The following COLQ variants were observed in gnomAD, a reference collection of about 807,000 sequenced individuals.
COLQ encodes collagen like tail subunit of asymmetric acetylcholinesterase.
COLQ carries 48 observed loss-of-function variants against 69.0 expected under a neutral mutation model. That is an observed-to-expected ratio of 0.70 (90% CI 0.55 to 0.88). COLQ has a LOEUF of 0.88. COLQ is among the 40% of genes least tolerant of loss of function. The probability of loss-of-function intolerance (pLI) is 0.00; values close to 1 mark genes in which losing one functional copy is unlikely to be tolerated. For missense variants in COLQ, 618 were observed against 594.6 expected, an observed-to-expected ratio of 1.04 and a Z score of -0.41; for synonymous variants, 217 against 211.2, an observed-to-expected ratio of 1.03 and a Z score of -0.24.
rs2062948027 is a variant in COLQ at position 15,509,033 on chromosome 3, G to C, written c.106+12487C>G. Reference sequence around the variant, plus strand: ...TACATAATAACTATAAGAAGAAGGAGGATCTTAATCAATTCAAATGGATTT... The same window carrying C: ...TACATAATAACTATAAGAAGAAGGACGATCTTAATCAATTCAAATGGATTT... On this transcript the variant is annotated intron_variant, in intron 1 of 16. Coordinates refer to ENST00000383788, the MANE Select transcript of COLQ (RefSeq NM_005677.4). Among the ~76,000 whole-genome samples, 3 of 151,836 alleles carry C rather than the reference G, an allele frequency of 2.0e-5. 1 individual carries two copies. In the South Asian group the frequency reaches 6.2e-4, roughly 32 times the overall value.
At chr3:15,469,740 C>T (rs1468119863) in intron 11 of COLQ, among the ~76,000 whole-genome samples, 1 of 152,164 alleles carries the variant, frequency 6.6e-6, no homozygotes, top group East Asian at 1.9e-4. Context: ...AAGGCCTAGG[C>T]ACTGGGGATG....
chr3:15,499,026 C>T (rs187601407), intron 1 of COLQ, among the ~76,000 whole-genome samples: 1 of 151,958 alleles, frequency 6.6e-6, no homozygotes, highest in Non-Finnish European at 1.5e-5. Context: ...GTCAACCCCC[C>T]ACCGAGACCG....
chr3:15,502,354 TG>T (rs1298858373), intron 1 of COLQ, among the ~76,000 whole-genome samples: 1 of 151,986 alleles, frequency 6.6e-6, no homozygotes, highest in Non-Finnish European at 1.5e-5. Flanking sequence ...TGACCTCAGG[TG>T]ATCCACCCGC....
At chr3:15,460,578 C>T (rs565073821) in intron 12 of COLQ, among the ~76,000 whole-genome samples, 129 of 152,238 alleles carry the variant, frequency 8.5e-4, no homozygotes, top group African/African-American at 1.9e-3. Context: ...GGCCAGGACC[C>T]CAGGGAAAAC....
intron 1 of COLQ, chr3:15,506,488 T>G (rs2062913083): frequency 6.6e-6 from 1 of 152,246 alleles, no homozygotes; most frequent in South Asian, 2.1e-4. Context: ...CTATGTATAC[T>G]TCTGGGAATA....
At chr3:15,514,656 G>A (rs1330210957) in intron 1 of COLQ, among the ~76,000 whole-genome samples, 1 of 152,188 alleles carries the variant, frequency 6.6e-6, no homozygotes, top group Non-Finnish European at 1.5e-5. Flanking sequence ...AAACTAAGCT[G>A]TGCAGAGCTT....
chr3:15,521,537 A>T lies in COLQ; in HGVS notation c.89T>A (p.Val30Asp). Residue 30 changes from valine to aspartate, a missense_variant, in exon 1 of 17, where the codon GTT becomes GAT. Coordinates refer to ENST00000383788, the MANE Select transcript of COLQ (RefSeq NM_005677.4). ...IVSQPTFINS[V>D]LPISAALPSL... is the part of the protein sequence containing the mutation. ...TCATTTACCTGCTGAGATTGGAAGA[A>T]CGCTGTTGATGAAAGTCGGCTGAGA... is the stretch of plus-strand genomic sequence containing the variant. 1 of 1,614,190 alleles carries T rather than the reference A, an allele frequency of 6.2e-7. No individual in the cohort carries two copies. The highest frequency in any genetic ancestry group is 8.5e-7 in the Non-Finnish European group (1 of 1,180,038).
intron 1 of COLQ, among the ~76,000 whole-genome samples, chr3:15,519,187 ATTGT>A (rs2063102956): frequency 6.6e-6 from 1 of 151,710 alleles, no homozygotes; most frequent in South Asian, 2.1e-4. Context: ...GGTCTATTCC[ATTGT>A]TTTCCCTAAT....
Position 15,453,883 on chromosome 3 carries a change from T to C in COLQ, c.1244A>G (p.Glu415Gly). The C allele has an allele frequency of 1.2e-6, 2 of 1,612,110 alleles. No homozygotes were observed. Among genetic ancestry groups the C allele is most frequent in the Non-Finnish European group, 1.7e-6 (2 of 1,179,114 alleles). Residue 415 changes from glutamate (E) to glycine (G), a missense_variant, in exon 16 of 17, where the codon GAG becomes GGG. By Grantham distance (98) the Glu-to-Gly change is moderately conservative (BLOSUM62 -2). Coordinates refer to ENST00000383788, the MANE Select transcript of COLQ (RefSeq NM_005677.4). Reference protein sequence around the residue: ...CGDGHRHEGVEDCDGSDFGYL... With the variant: ...CGDGHRHEGVGDCDGSDFGYL... ...GCCAAAGTCAGAGCCGTCACAGTCC[T>C]CCACACCCTCATGCCGGTGACCATC...
chr3:15,503,823 G>A (rs573514649), intron 1 of COLQ, among the ~76,000 whole-genome samples: 6 of 152,178 alleles, frequency 3.9e-5, no homozygotes, highest in African/African-American at 1.2e-4. Context: ...ACACGGTGGA[G>A]ATCTTCCTCC....
rs565293680 is a variant in COLQ at position 15,471,934 on chromosome 3, C to T, written c.637-1318G>A. On this transcript the variant is annotated intron_variant, in intron 10 of 16. Transcript: ENST00000383788. ...CTGTTTTAGAGAGGCTCGGGGATGT[C>T]TTTATGGCTGGGAGAAAACAGCAGC... is the stretch of plus-strand genomic sequence containing the variant. Among the ~76,000 whole-genome samples the T allele has an allele frequency of 1.8e-3, 268 of 149,656 alleles. 1 individual carries two copies. Among genetic ancestry groups the T allele is most frequent in the African/African-American group, 6.4e-3 (259 of 40,740 alleles).
intron 1 of COLQ, among the ~76,000 whole-genome samples, chr3:15,502,111 TGA>T (rs1409402480): frequency 3.3e-5 from 4 of 121,758 alleles, no homozygotes; most frequent in African/African-American, 1.3e-4. Context: ...TAACTTGCAC[TGA>T]TTTTTTTTTT....
chr3:15,458,788 C>T (rs12634346), intron 12 of COLQ, among the ~76,000 whole-genome samples: 69,389 of 152,014 alleles, frequency 0.46, 16,040 homozygotes, highest in East Asian at 0.61. Context: ...CCGACAAACA[C>T]ATTATTGACT....
At position 15,473,764 on chromosome 3, in the gene COLQ, C is replaced by T. The variant is rs2062329823; in HGVS notation, c.636+236G>A. On this transcript the variant is annotated intron_variant, in intron 10 of 16. Transcript: ENST00000383788. The surrounding 1 kb of genome is among the most constrained non-coding windows in gnomAD (Gnocchi z 4.0). The stretch of plus-strand genomic sequence containing the variant: ...AAAAAACAAACAAACAAACAAAAAC[C>T]CAAAACCCAGATGGGTTGTCCTTTC... 1.3e-5 allele frequency among the ~76,000 whole-genome samples: 2 copies of T among 152,090 alleles called. No individual in the cohort carries two copies. The highest frequency in any genetic ancestry group is 2.9e-5 in the Non-Finnish European group (2 of 68,018).
chr3:15,464,421 G>A (rs1425617912), intron 12 of COLQ, among the ~76,000 whole-genome samples: 1 of 152,222 alleles, frequency 6.6e-6, no homozygotes, highest in Non-Finnish European at 1.5e-5. Flanking sequence ...AAAGGTTGGA[G>A]GGACCTTCCC....
intron 3 of COLQ, among the ~76,000 whole-genome samples, chr3:15,484,021 G>A (rs1458072672): frequency 2.0e-5 from 3 of 149,482 alleles, no homozygotes; most frequent in East Asian, 2.0e-4. Context: ...TTTTATCAGA[G>A]ACTAGGATTG....
chr3:15,516,118 C>T (rs1449847370), intron 1 of COLQ, among the ~76,000 whole-genome samples: 3 of 152,180 alleles, frequency 2.0e-5, no homozygotes, highest in African/African-American at 7.2e-5. Flanking sequence ...GCCTGGGACC[C>T]CTTAGAGAGT....
At chr3:15,472,822 TTCTC>T (rs976449244) in intron 10 of COLQ, among the ~76,000 whole-genome samples, 1 of 151,980 alleles carries the variant, frequency 6.6e-6, no homozygotes, top group Non-Finnish European at 1.5e-5. Context: ...TTTTCTTTCT[TTCTC>T]TCTCTCTCTT....
At chr3:15,479,885 T>C (rs1376191664) in intron 3 of COLQ, among the ~76,000 whole-genome samples, 1 of 152,222 alleles carries the variant, frequency 6.6e-6, no homozygotes, top group African/African-American at 2.4e-5. Context: ...CAAATAATTT[T>C]TGCCTTTCTT....
Sources: gnomAD v4.1 joint callset for allele counts (sites outside exome capture counted in the v4.1 genomes callset) on GRCh38, gnomAD v4.1.1 for gene constraint, Gnocchi (gnomAD v3.1) non-coding constraint, MANE v1.5 for transcripts, NCBI Gene and HGNC (gene_info 2026-07-23, HGNC 2026-07-21) for gene names.